The following CNTN6 variants were observed in gnomAD, a reference collection of about 807,000 sequenced individuals.
CNTN6 encodes the protein contactin 6, also known as contactin-6.
A neutral mutation model predicts 122.8 loss-of-function variants in CNTN6; 137 were observed. The ratio of observed to expected loss-of-function variants is 1.12; its 90% CI spans 0.97 to 1.29. The LOEUF is 1.29. Ranked by LOEUF, CNTN6 falls within the 50% of genes most tolerant of loss-of-function variation. The pLI, the probability that CNTN6 is intolerant of heterozygous loss-of-function variation, is 0.00. For missense variants in CNTN6, 1,634 were observed against 1,223.4 expected (o/e 1.34, Z -5.01); for synonymous variants, 570 against 426.0 (o/e 1.34, Z -4.16).
At chr3:1,301,472 T>A (rs1697403944) in intron 7 of CNTN6, among the ~76,000 whole-genome samples, 2 of 152,212 alleles carry the variant, frequency 1.3e-5, no homozygotes, top group Admixed American at 1.3e-4. Flanking sequence ...AAATAAATCA[T>A]GTTGGTTAAG....
intron 17 of CNTN6, among the ~76,000 whole-genome samples, chr3:1,380,796 T>G (rs1691749489): frequency 6.6e-6 from 1 of 152,230 alleles, no homozygotes; most frequent in Non-Finnish European, 1.5e-5. Flanking sequence ...ATAGTTTTGC[T>G]GATTCTTAGT....
At chr3:1,173,001 T>G (rs1232768767) in intron 2 of CNTN6, among the ~76,000 whole-genome samples, 1 of 152,008 alleles carries the variant, frequency 6.6e-6, no homozygotes, top group African/African-American at 2.4e-5. Context: ...CAGGTCAAGG[T>G]CTCTGCTCAC....
At chr3:1,203,522 A>G (rs1400389336) in intron 2 of CNTN6, among the ~76,000 whole-genome samples, 1 of 152,236 alleles carries the variant, frequency 6.6e-6, no homozygotes, top group Non-Finnish European at 1.5e-5. Flanking sequence ...GTAGAAAGCC[A>G]TGGATGATAC....
intron 1 of CNTN6, among the ~76,000 whole-genome samples, chr3:1,120,648 T>G (rs1448831270): frequency 6.6e-6 from 1 of 151,948 alleles, no homozygotes; most frequent in African/African-American, 2.4e-5. Context: ...AAGTCAAATT[T>G]ATCTATATTT....
chr3:1,242,698 G>A (rs1439863073), intron 4 of CNTN6, among the ~76,000 whole-genome samples: 1 of 152,128 alleles, frequency 6.6e-6, no homozygotes, highest in Non-Finnish European at 1.5e-5. Flanking sequence ...GCTTTGGGTT[G>A]GGGAGAAGGG....
intron 12 of CNTN6, among the ~76,000 whole-genome samples, chr3:1,368,594 T>C (rs1708556946): frequency 6.6e-6 from 1 of 152,144 alleles, no homozygotes; most frequent in Non-Finnish European, 1.5e-5. Context: ...ACTGAAGTTA[T>C]ATCAATTGAA....
intron 1 of CNTN6, among the ~76,000 whole-genome samples, chr3:1,116,852 C>T (rs1299295077): frequency 6.6e-6 from 1 of 151,986 alleles, no homozygotes; most frequent in Non-Finnish European, 1.5e-5. Flanking sequence ...TTACAGGCGC[C>T]TGCCACCACG....
chr3:1,326,643 T>G (rs1701581949), intron 9 of CNTN6, among the ~76,000 whole-genome samples: 1 of 152,022 alleles, frequency 6.6e-6, no homozygotes, highest in East Asian at 1.9e-4. Flanking sequence ...CCTATTAAAT[T>G]ATCCAGATAA....
At chr3:1,378,190 C>G (rs1710160858) in intron 17 of CNTN6, among the ~76,000 whole-genome samples, 1 of 152,134 alleles carries the variant, frequency 6.6e-6, no homozygotes, top group Admixed American at 6.5e-5. Context: ...ATACCCTGCT[C>G]CATGTTTAGC....
chr3:1,191,425 C>T (rs1425576404), intron 2 of CNTN6, among the ~76,000 whole-genome samples: 4 of 152,238 alleles, frequency 2.6e-5, no homozygotes, highest in Non-Finnish European at 2.9e-5. Flanking sequence ...CAGTCCCTAG[C>T]CTATGAGGTT....
chr3:1,193,377 TGTTA>T (rs1487707755), intron 2 of CNTN6, among the ~76,000 whole-genome samples: 1 of 152,204 alleles, frequency 6.6e-6, no homozygotes. Context: ...TTCCACCATT[TGTTA>T]GTTATATGAT....
rs558406940 is a variant in CNTN6 at position 1,259,414 on chromosome 3, CTAAG to C, written c.359-18993_359-18990del. Reference sequence around the variant, plus strand: ...ATCCATTTTGTTAAGATATTTTTGTCTAAGTAAGTTTTTTTTGTTTTTAATTAAT... The same window carrying C: ...ATCCATTTTGTTAAGATATTTTTGTCTAAGTTTTTTTTGTTTTTAATTAAT... On this transcript the variant is annotated intron_variant, in intron 4 of 22. Transcript: ENST00000446702. Among the ~76,000 whole-genome samples, 112 of 152,140 alleles carry C rather than the reference CTAAG, an allele frequency of 7.4e-4. 1 individual carries two copies. Among genetic ancestry groups the C allele is most frequent in the South Asian group, 4.1e-4 (2 of 4,820 alleles).
At chr3:1,343,144 T>C (rs1251699393) in intron 11 of CNTN6, among the ~76,000 whole-genome samples, 1 of 152,190 alleles carries the variant, frequency 6.6e-6, no homozygotes, top group Non-Finnish European at 1.5e-5. Flanking sequence ...TAACATGATA[T>C]CTTCTCTAGC....
intron 4 of CNTN6, among the ~76,000 whole-genome samples, chr3:1,269,301 A>G (rs1178978654): frequency 6.6e-6 from 1 of 152,146 alleles, no homozygotes; most frequent in Non-Finnish European, 1.5e-5. Context: ...ATTTTTGATC[A>G]TTTTGTTCCA....
chr3:1,237,036 A>G (rs1305489877), intron 4 of CNTN6, among the ~76,000 whole-genome samples: 2 of 151,994 alleles, frequency 1.3e-5, no homozygotes, highest in African/African-American at 4.8e-5. Flanking sequence ...AGCTGTGATC[A>G]CGCCACTGCA....
chr3:1,131,051 G>A (rs1339232881), intron 1 of CNTN6, among the ~76,000 whole-genome samples: 1 of 152,064 alleles, frequency 6.6e-6, no homozygotes, highest in African/African-American at 2.4e-5. Flanking sequence ...CGAAATAACA[G>A]GCAGACCCTG....
intron 5 of CNTN6, among the ~76,000 whole-genome samples, chr3:1,281,464 CTTTTT>C (rs4065407): frequency 8.8e-5 from 12 of 136,968 alleles, no homozygotes; most frequent in African/African-American, 1.9e-4. Flanking sequence ...TAAAAGTTGA[CTTTTT>C]TTTTTTTTTT....
chr3:1,339,163 C>T (rs1038840351), intron 11 of CNTN6, among the ~76,000 whole-genome samples: 10 of 151,494 alleles, frequency 6.6e-5, no homozygotes, highest in African/African-American at 2.4e-4. Context: ...TGCAAGAAAA[C>T]CTTTCATTCC....
Position 1,388,031 on chromosome 3 carries a change from C to T in CNTN6, c.2704+2234C>T, listed in dbSNP as rs1030302388. 5.9e-5 allele frequency among the ~76,000 whole-genome samples: 9 copies of T among 152,000 alleles called. No individual in the cohort carries two copies. The South Asian group carries it at 1.0e-3, about 18-fold the overall frequency. Reference sequence around the variant, plus strand: ...GGCTTGATTAGGTAAACAAAGCAGCCAGGAAGCTCCAACTGGGTGGAGCCC... The same window carrying T: ...GGCTTGATTAGGTAAACAAAGCAGCTAGGAAGCTCCAACTGGGTGGAGCCC... On this transcript the variant is annotated intron_variant, in intron 20 of 22. Transcript: ENST00000446702.
Sources: allele counts gnomAD v4.1 joint callset (sites outside exome capture counted in the v4.1 genomes callset), GRCh38; gene constraint gnomAD v4.1.1; transcripts MANE v1.5; gene names NCBI Gene and HGNC (gene_info 2026-07-23, HGNC 2026-07-21).